RUFY2: variants seen among roughly 807,000 people sequenced by gnomAD.
The protein encoded by RUFY2 is RUN and FYVE domain-containing protein 2.
Under a neutral mutation model 94.4 loss-of-function variants are expected in RUFY2, and 49 were observed. The ratio of observed to expected loss-of-function variants is 0.52; its 90% confidence interval spans 0.41 to 0.66. The LOEUF is 0.66. RUFY2 is among the 30% of genes least tolerant of loss of function. The pLI is 0.00. For missense variants in RUFY2, 541 were observed against 692.8 expected, an observed-to-expected ratio of 0.78 and a Z score of 2.46; for synonymous variants, 255 against 235.7, an observed-to-expected ratio of 1.08 and a Z score of -0.75.
chr10:68,383,322 C>A (rs1356646395), intron 10 of RUFY2, among the ~76,000 whole-genome samples: 1 of 149,662 alleles, frequency 6.7e-6, no homozygotes, highest in African/African-American at 2.5e-5. Flanking sequence ...AAGACTCTGT[C>A]TCAAAACAAC....
rs1283661648 is a variant in RUFY2 at position 68,385,678 on chromosome 10, T to A, written c.720+381A>T. Reference sequence around the variant, plus strand: ...TACAGGTTTGTTACACAGGTATACATGTGCCATGGTGGTTTACTGCACTTA... The same window carrying A: ...TACAGGTTTGTTACACAGGTATACAAGTGCCATGGTGGTTTACTGCACTTA... On this transcript the variant is annotated intron_variant, in intron 8 of 17. Coordinates refer to ENST00000602465, the MANE Select transcript of RUFY2 (RefSeq NM_001330103.2). Among the ~76,000 whole-genome samples, 3 of 152,194 alleles carry A rather than the reference T, an allele frequency of 2.0e-5. No individual in the cohort carries two copies. In the East Asian group the frequency reaches 5.8e-4, roughly 29 times the overall value.
chr10:68,404,080 C>G (rs1215242623), intron 2 of RUFY2, among the ~76,000 whole-genome samples: 1 of 152,122 alleles, frequency 6.6e-6, no homozygotes, highest in African/African-American at 2.4e-5. Context: ...AAACTGTGAA[C>G]AGTTATTATA....
chr10:68,388,318 C>T (rs764040159), intron 7 of RUFY2, among the ~76,000 whole-genome samples: 92 of 151,704 alleles, frequency 6.1e-4, no homozygotes, highest in Non-Finnish European at 1.2e-3. Context: ...CAAAAATTAG[C>T]CCAGCGTGGT....
At chr10:68,374,907 C>T (rs1478241787) in intron 13 of RUFY2, among the ~76,000 whole-genome samples, 1 of 152,158 alleles carries the variant, frequency 6.6e-6, no homozygotes, top group East Asian at 1.9e-4. Context: ...GAAATAACCA[C>T]TCCCCAGAAT....
Position 68,379,969 on chromosome 10 carries a change from A to T in RUFY2, c.1108-448T>A, listed in dbSNP as rs906083488. ...AATACAGGTGCCCGCCACTGCGCCC[A>T]GCTAATTTTTTTGTATTCTTAGTAG... On this transcript the variant is annotated intron_variant, in intron 11 of 17. Transcript: ENST00000602465. Among the ~76,000 whole-genome samples, 10 of 151,632 alleles carry T rather than the reference A, an allele frequency of 6.6e-5. No individual in the cohort carries two copies. The East Asian group carries it at 1.5e-3, about 23-fold the overall frequency.
In RUFY2 at chr10:68,363,639, A is replaced by T; in HGVS notation, c.1501T>A (p.Tyr501Asn). 6.2e-7 allele frequency: 1 copy of T among 1,609,004 alleles called. No individual in the cohort carries two copies. The highest frequency in any genetic ancestry group is 1.3e-5 in the African/African-American group (1 of 74,836). ...QDENQQLKKI[Y>N]HEQEQALQEL... The stretch of plus-strand genomic sequence containing the variant: ...TGAAGAGCTTGCTCTTGTTCATGAT[A>T]TATTTTTTTCAACTGCTGATTTTCA... Residue 501 changes from tyrosine to asparagine, a missense_variant, in exon 15 of 18, where the codon TAT becomes AAT. Transcript: ENST00000602465.
intron 13 of RUFY2, among the ~76,000 whole-genome samples, chr10:68,373,650 T>C (rs2048421416): frequency 6.6e-6 from 1 of 152,138 alleles, no homozygotes; most frequent in African/African-American, 2.4e-5. Context: ...CGTATGCCTG[T>C]AGCCCTAGCT....
Position 68,355,400 on chromosome 10 carries a change from A to G in RUFY2, c.1552T>C (p.Ser518Pro). The G allele has an allele frequency of 6.3e-7, 1 of 1,599,868 alleles. No individual in the cohort carries two copies. The highest frequency in any genetic ancestry group is 8.6e-7 in the Non-Finnish European group (1 of 1,167,740). The change falls in exon 16 of 18, where the codon TCA becomes CCA. Residue 518 changes from serine (S) to proline (P), a missense_variant and splice_region_variant. Transcript: ENST00000602465. ...LQELGNKLSE[S>P]KLKIEDIKEA... is the part of the protein sequence containing the mutation. ...TTTATGTCTTCAATTTTAAGTTTTG[A>G]TCTAAAAAGATTACAAATAGGTCCA...
chr10:68,363,862 A>T, intron 14 of RUFY2, 122 bp downstream of exon 14: 2 of 867,912 alleles, frequency 2.3e-6, no homozygotes, highest in Non-Finnish European at 1.7e-6. Flanking sequence ...TAATCTCTTT[A>T]CTGATATTTT....
chr10:68,347,171 C>T (rs969442144), intron 16 of RUFY2, among the ~76,000 whole-genome samples: 2 of 151,416 alleles, frequency 1.3e-5, no homozygotes, highest in African/African-American at 4.9e-5. Context: ...AAAAGTTTTA[C>T]ATGGCTATTT....
Position 68,393,200 on chromosome 10 carries a change from A to G in RUFY2, c.588T>C (p.Asn196=). 6.4e-7 allele frequency: 1 copy of G among 1,553,186 alleles called. No individual in the cohort carries two copies. The highest frequency in any genetic ancestry group is 8.8e-7 in the Non-Finnish European group (1 of 1,135,416). The change falls in exon 7 of 18, where the codon AAT becomes AAC. Residue 196 remains asparagine (N), a synonymous_variant. Transcript: ENST00000602465. ...NEEDIGNKER[N]VQIAAILDQK... ...GGTCTAATATGGCAGCAATTTGAAC[A>G]TTCCTAAATGAGGAAAAAAGTAGCT...
intron 11 of RUFY2, among the ~76,000 whole-genome samples, chr10:68,380,192 G>A (rs375563616): frequency 3.3e-5 from 5 of 150,396 alleles, no homozygotes; most frequent in African/African-American, 9.8e-5. Flanking sequence ...CTCCCATCTC[G>A]GCCTCCCTAA....
chr10:68,387,507 A>AT (rs1159863733), intron 7 of RUFY2, among the ~76,000 whole-genome samples: 1 of 152,212 alleles, frequency 6.6e-6, no homozygotes, highest in Non-Finnish European at 1.5e-5. Context: ...AAGTATTGGT[A>AT]TTTTAATTTT....
downstream of RUFY2, chr10:68,342,046 A>T (rs779872810): frequency 1.9e-6 from 3 of 1,612,876 alleles, no homozygotes. Flanking sequence ...ATGGCGTGGG[A>T]TGTACTGAAA....
At chr10:68,405,324 A>G (rs560210733) in intron 1 of RUFY2, 5 of 320,690 alleles carry the variant, frequency 1.6e-5, no homozygotes, top group Admixed American at 6.6e-5. Flanking sequence ...AAAAAAAAAA[A>G]AAAGAAAAAG....
intron 9 of RUFY2, 41 bp from the exon 10 acceptor site, chr10:68,383,955 A>G: frequency 6.4e-7 from 1 of 1,571,328 alleles, no homozygotes; most frequent in South Asian, 1.1e-5. Flanking sequence ...AATCACTACT[A>G]TTAATACAGC....
chr10:68,381,413 G>A lies in RUFY2; in HGVS notation c.940-14C>T, dbSNP rs1447364207. The A allele has an allele frequency of 2.5e-6, 4 of 1,601,006 alleles. No homozygotes were observed. In the African/African-American group the frequency reaches 5.4e-5, roughly 22 times the overall value. ...ATTCTCTACATCCTGCAATTTCAAT[G>A]TATCCTCAATTCACATGCCACTTCA... On this transcript the variant is annotated splice_polypyrimidine_tract_variant and intron_variant, in intron 10 of 17. Transcript: ENST00000602465.
intron 16 of RUFY2, among the ~76,000 whole-genome samples, chr10:68,352,185 T>C (rs147464568): frequency 1.5e-3 from 225 of 152,288 alleles, no homozygotes; most frequent in African/African-American, 5.1e-3. Context: ...GGTCTCAAAC[T>C]CCTGGCCTCA....
chr10:68,388,419 C>T (rs566223012), intron 7 of RUFY2, among the ~76,000 whole-genome samples: 69 of 152,152 alleles, frequency 4.5e-4, no homozygotes, highest in South Asian at 3.5e-3. Flanking sequence ...GCTGAGATCG[C>T]GCCATTGCAT....
Sources: gnomAD v4.1 joint callset for allele counts (sites outside exome capture counted in the v4.1 genomes callset) on GRCh38, gnomAD v4.1.1 for gene constraint, MANE v1.5 for transcripts, NCBI Gene and HGNC (gene_info 2026-07-23, HGNC 2026-07-21) for gene names.